MTMR10: variants seen among roughly 807,000 people sequenced by gnomAD.
MTMR10 encodes myotubularin related protein 10.
In MTMR10, 56 loss-of-function variants were observed where a neutral mutation model predicts 88.1. The observed-to-expected ratio is 0.64, with a 90% CI of 0.51 to 0.79. MTMR10 has a LOEUF of 0.79. Among genes scored for constraint, MTMR10 ranks in the 30% least tolerant of loss-of-function variants. MTMR10 has a pLI of 0.00. For missense variants in MTMR10, 883 were observed against 924.7 expected (o/e 0.95, Z 0.58); for synonymous variants, 380 against 340.9 (o/e 1.11, Z -1.26).
At chr15:30,971,376 G>A (rs1595936107) in intron 5 of MTMR10, among the ~76,000 whole-genome samples, 1 of 152,102 alleles carries the variant, frequency 6.6e-6, no homozygotes, top group South Asian at 2.1e-4. Flanking sequence ...ATCACCTGGG[G>A]TGCAGTACTG....
the MTMR10 span, chr15:30,920,523 C>T: frequency 7.0e-7 from 1 of 1,429,022 alleles, no homozygotes; most frequent in Non-Finnish European, 9.8e-7. Context: ...TATTAAACTA[C>T]TGGTATATGT....
At chr15:30,968,110 GATTAT>G (rs1390692987) in intron 5 of MTMR10, 100 bp from the exon 6 acceptor site, 13 of 784,732 alleles carry the variant, frequency 1.7e-5, no homozygotes, top group Non-Finnish European at 2.6e-5. Flanking sequence ...TTGGGGCAGT[GATTAT>G]AGATACTATT....
In MTMR10 at chr15:30,941,475, C is replaced by T. The variant is rs745831063; in HGVS notation, c.2329G>A (p.Asp777Asn). 7.5e-6 allele frequency: 12 copies of T among 1,602,414 alleles called. No homozygotes were observed. The Admixed American group carries it at 8.5e-5, about 11-fold the overall frequency. The change falls in exon 16 of 16, where the codon GAC (aspartate) becomes AAC (asparagine). Residue 777 changes from aspartate to asparagine, a missense_variant. By Grantham distance (23) the Asp-to-Asn change is conservative. This residue lies in a region of MTMR10 where 343 missense variants were observed against 323.2 expected (regional missense o/e 1.06). Coordinates refer to ENST00000435680, the MANE Select transcript of MTMR10 (RefSeq NM_017762.3). ...WLSTETLANE[D>N] ...TGTTCAGAAAACACCCTATTTTAGT[C>T]TTCATTTGCTAATGTCTCAGTAGAC...
At chr15:30,980,187 T>G (rs1052430024) in intron 2 of MTMR10, among the ~76,000 whole-genome samples, 23 of 152,230 alleles carry the variant, frequency 1.5e-4, no homozygotes, top group Admixed American at 1.2e-3. Flanking sequence ...TGATCTGCAA[T>G]GTTGTAGCCA....
chr15:30,934,757 C>T (rs186356122), downstream of MTMR10, among the ~76,000 whole-genome samples: 4 of 152,158 alleles, frequency 2.6e-5, no homozygotes, highest in African/African-American at 7.2e-5. Context: ...GAAGTGGTTG[C>T]GTTAGTATAT....
At chr15:30,936,159 AAC>A (rs1016274536), downstream of MTMR10, among the ~76,000 whole-genome samples, 1 of 152,168 alleles carries the variant, frequency 6.6e-6, no homozygotes, top group African/African-American at 2.4e-5. Flanking sequence ...TAGTGAACAA[AAC>A]ACACAATTCT....
intron 11 of MTMR10, among the ~76,000 whole-genome samples, chr15:30,953,036 C>T (rs1245153994): frequency 3.3e-5 from 5 of 151,966 alleles, no homozygotes; most frequent in African/African-American, 7.3e-5. Context: ...GTGAGCCACC[C>T]GCCTTGGCCT....
intron 6 of MTMR10, among the ~76,000 whole-genome samples, chr15:30,962,260 GT>G (rs2063411954): frequency 6.6e-6 from 1 of 152,176 alleles, no homozygotes; most frequent in South Asian, 2.1e-4. Flanking sequence ...GAAACAAGCT[GT>G]CCCACAAAGT....
At chr15:30,927,735 C>G in the MTMR10 span, 4 of 985,724 alleles carry the variant, frequency 4.1e-6, no homozygotes, top group Non-Finnish European at 4.8e-6. Context: ...GTGGCCTCCT[C>G]CTCTGTCGGG....
rs542727385 is a variant in MTMR10, at chr15:30,975,638, G to A, written c.259-635C>T. Among the ~76,000 whole-genome samples the A allele has an allele frequency of 1.2e-4, 18 of 152,168 alleles. 1 individual carries two copies. The highest frequency in any genetic ancestry group is 4.3e-4 in the African/African-American group (18 of 41,510). On this transcript the variant is annotated intron_variant, in intron 3 of 15. Transcript: ENST00000435680. ...ATAAGCTACTGTCCCTACACAGTGG[G>A]TATCTTTAAGTGCCTTAAATTTAGT...
At chr15:30,925,970 C>T in the MTMR10 span, 1 of 1,611,430 alleles carries the variant, frequency 6.2e-7, no homozygotes, top group Non-Finnish European at 8.5e-7. Flanking sequence ...TTGTGGCACC[C>T]AGCCCCGGGT....
Position 30,941,937 on chromosome 15 carries a change from G to A in MTMR10, c.1867C>T (p.Gln623Ter), listed in dbSNP as rs1348569788. 6.2e-7 allele frequency: 1 copy of A among 1,613,974 alleles called. No homozygotes were observed. ...KPDPAQQTDS[Q>*]NSDTEQYFRE... ...AAATACTGCTCCGTATCACTGTTCT[G>A]GCTGTCGGTTTGCTGAGCTGGATCT... The change falls in exon 16 of 16, where the codon CAG becomes TAG. Residue 623 changes from glutamine to a stop codon, truncating the protein, a stop_gained. Coordinates refer to ENST00000435680, the MANE Select transcript of MTMR10 (RefSeq NM_017762.3). LOFTEE classifies it low-confidence loss of function (END_TRUNC).
intron 6 of MTMR10, among the ~76,000 whole-genome samples, chr15:30,962,886 G>C (rs190374066): frequency 6.6e-6 from 1 of 152,288 alleles, no homozygotes; most frequent in Non-Finnish European, 1.5e-5. Context: ...GAGTTCTAAG[G>C]AACAAGTCAA....
Position 30,939,386 on chromosome 15 carries a change from A to G in MTMR10, c.*2084T>C. Reference sequence around the variant, plus strand: ...TCTCTAGTGCGCCCTGTGCAGCCACACCACTGCTGTCACCACATGTCCCTC... The same window carrying G: ...TCTCTAGTGCGCCCTGTGCAGCCACGCCACTGCTGTCACCACATGTCCCTC... On this transcript the variant is annotated 3_prime_UTR_variant, in exon 16 of 16. Transcript: ENST00000435680. The G allele has an allele frequency of 1.0e-5, 10 of 985,478 alleles. No individual in the cohort carries two copies. The highest frequency in any genetic ancestry group is 1.2e-5 in the Non-Finnish European group (10 of 829,948). 61.0% of individuals were successfully genotyped at this position (985,478 alleles called of 1,614,324 possible). A position where few individuals can be genotyped will look rare whatever the true frequency, so the allele number is the denominator to read the frequency against.
intron 2 of MTMR10, among the ~76,000 whole-genome samples, chr15:30,989,527 G>C (rs949897311): frequency 1.3e-5 from 2 of 151,252 alleles, no homozygotes; most frequent in Non-Finnish European, 2.9e-5. Flanking sequence ...TTGGCTTTAA[G>C]TAATGAGTCA....
chr15:30,943,840 A>G (rs2063124751), intron 14 of MTMR10: 2 of 985,330 alleles, frequency 2.0e-6, no homozygotes, highest in African/African-American at 1.7e-5. Context: ...TATGAAGCAC[A>G]GTCACATTTA....
At chr15:30,930,108 ATACTAGGG>A in the MTMR10 span, among the ~76,000 whole-genome samples, 1 of 150,276 alleles carries the variant, frequency 6.7e-6, no homozygotes, top group Admixed American at 6.7e-5. Flanking sequence ...TGATGGAAAC[ATACTAGGG>A]TGTTAGAAAA....
At chr15:30,930,686 A>G in the MTMR10 span, 2 of 1,612,322 alleles carry the variant, frequency 1.2e-6, no homozygotes, top group Non-Finnish European at 8.5e-7. Flanking sequence ...GTTGAGGCAG[A>G]ATGGAAAGTC....
intron 2 of MTMR10, among the ~76,000 whole-genome samples, chr15:30,982,476 T>C (rs1289583579): frequency 1.3e-5 from 2 of 151,294 alleles, no homozygotes; most frequent in East Asian, 3.9e-4. Flanking sequence ...AGACACAACA[T>C]TAACAACAGC....
Sources: allele counts gnomAD v4.1 joint callset (sites outside exome capture counted in the v4.1 genomes callset), GRCh38; gene constraint gnomAD v4.1.1; regional missense constraint gnomAD v4.1.1; transcripts MANE v1.5; gene names NCBI Gene and HGNC (gene_info 2026-07-23, HGNC 2026-07-21).